BCR: variants seen among roughly 807,000 people sequenced by gnomAD.
BCR encodes BCR activator of RhoGEF and GTPase.
Under a neutral mutation model 138.6 loss-of-function variants are expected in BCR, and 58 were observed. That is an observed-to-expected ratio of 0.42 (90% CI 0.34 to 0.52). The LOEUF (loss-of-function observed/expected upper bound fraction) is 0.52, where lower values mean the gene tolerates loss of function less well. BCR is among the 20% of genes least tolerant of loss of function. The pLI, the probability that BCR is intolerant of heterozygous loss-of-function variation, is 0.06. For missense variants in BCR, 1,599 were observed against 1,727.2 expected (o/e 0.93, Z 1.32); for synonymous variants, 786 against 730.1 (o/e 1.08, Z -1.23).
intron 1 of BCR, among the ~76,000 whole-genome samples, chr22:23,246,062 G>T (rs1324123498): frequency 1.3e-5 from 2 of 152,096 alleles, no homozygotes; most frequent in Non-Finnish European, 2.9e-5. Flanking sequence ...TTTGTGACTG[G>T]CATATTTCCC....
chr22:23,206,370 C>T (rs142569115), intron 1 of BCR, among the ~76,000 whole-genome samples: 2,563 of 152,104 alleles, frequency 0.017, 28 homozygotes, highest in Non-Finnish European at 0.025. Context: ...GTCAGGAGAT[C>T]GGGACCATCC....
chr22:23,267,292 G>A (rs912604716), intron 4 of BCR, among the ~76,000 whole-genome samples: 1 of 152,130 alleles, frequency 6.6e-6, no homozygotes, highest in Admixed American at 6.5e-5. Context: ...ACCTAGAATT[G>A]GAGGATGCAA....
chr22:23,241,626 G>T (rs1399218559), intron 1 of BCR, among the ~76,000 whole-genome samples: 1 of 152,120 alleles, frequency 6.6e-6, no homozygotes, highest in South Asian at 2.1e-4. Flanking sequence ...ATACCTCAGG[G>T]ACTAGAAGCT....
intron 1 of BCR, among the ~76,000 whole-genome samples, chr22:23,240,341 G>GTGTC (rs1008758141): frequency 4.8e-5 from 7 of 145,894 alleles, no homozygotes; most frequent in African/African-American, 1.6e-4. Context: ...GTGTGTGTGT[G>GTGTC]TGTCTGTCTA....
intron 16 of BCR, among the ~76,000 whole-genome samples, chr22:23,309,107 A>T (rs948297132): frequency 7.2e-5 from 11 of 152,250 alleles, no homozygotes; most frequent in South Asian, 4.1e-4. Context: ...TGAGCTCCAC[A>T]TAGCACCCGT....
intron 1 of BCR, among the ~76,000 whole-genome samples, chr22:23,188,195 A>G (rs750594163): frequency 6.6e-6 from 1 of 152,188 alleles, no homozygotes; most frequent in East Asian, 1.9e-4. Context: ...TGAGGCCGCT[A>G]AAGGCATCAG....
intron 7 of BCR, 99 bp downstream of exon 7, chr22:23,273,232 G>C: frequency 7.4e-7 from 1 of 1,344,480 alleles, no homozygotes; most frequent in Non-Finnish European, 1.0e-6. Context: ...CATAGCTGCA[G>C]CCAAGGGGGT....
intron 1 of BCR, among the ~76,000 whole-genome samples, chr22:23,190,921 A>T (rs1219478685): frequency 6.6e-6 from 1 of 152,092 alleles, no homozygotes; most frequent in Non-Finnish European, 1.5e-5. Context: ...TTTTCTTTAA[A>T]TTTAAAATTT....
intron 1 of BCR, among the ~76,000 whole-genome samples, chr22:23,184,274 A>G (rs1161040620): frequency 6.6e-6 from 1 of 150,424 alleles, no homozygotes; most frequent in Non-Finnish European, 1.5e-5. Context: ...TTTTTTTTGT[A>G]AATACAGGGT....
chr22:23,267,901 G>C lies in BCR; in HGVS notation c.1753-507G>C, dbSNP rs114083382. Among the ~76,000 whole-genome samples, 509 of 152,370 alleles carry C rather than the reference G, an allele frequency of 3.3e-3. 4 individuals are homozygous for C. The highest frequency in any genetic ancestry group is 0.012 in the African/African-American group (481 of 41,590). On this transcript the variant is annotated intron_variant, in intron 4 of 22. Transcript: ENST00000305877. Reference sequence around the variant, plus strand: ...CCCTCACCAGGCCCAGGATGGGCTTGTGTCTGTGCAGTGGGAGGCTCTCTT... The same window carrying C: ...CCCTCACCAGGCCCAGGATGGGCTTCTGTCTGTGCAGTGGGAGGCTCTCTT...
At chr22:23,292,715 T>C in intron 15 of BCR, 77 bp downstream of exon 15, 1 of 1,295,704 alleles carries the variant, frequency 7.7e-7, no homozygotes, top group South Asian at 1.3e-5. Context: ...AATCTAAACC[T>C]TCAGGGGCTC....
chr22:23,222,476 T>G (rs1358962378), intron 1 of BCR, among the ~76,000 whole-genome samples: 1 of 152,192 alleles, frequency 6.6e-6, no homozygotes, highest in Non-Finnish European at 1.5e-5. Context: ...GCACAAGTGC[T>G]AAGTGCTGAG....
At chr22:23,217,607 T>C (rs2072771737) in intron 1 of BCR, among the ~76,000 whole-genome samples, 1 of 152,228 alleles carries the variant, frequency 6.6e-6, no homozygotes, top group Non-Finnish European at 1.5e-5. Context: ...GACAGTATTG[T>C]CTGGTTGACT....
intron 8 of BCR, among the ~76,000 whole-genome samples, chr22:23,278,185 C>T (rs528388162): frequency 3.4e-4 from 51 of 152,204 alleles, no homozygotes; most frequent in Non-Finnish European, 7.1e-4. Flanking sequence ...CGCCTGGGCT[C>T]GGAAGCATAG....
chr22:23,187,528 C>T (rs1490434685), intron 1 of BCR, among the ~76,000 whole-genome samples: 1 of 148,738 alleles, frequency 6.7e-6, no homozygotes, highest in Non-Finnish European at 1.5e-5. Context: ...GAGATTGGAT[C>T]TCCCTATGTT....
chr22:23,191,956 A>G (rs1569238880), intron 1 of BCR, among the ~76,000 whole-genome samples: 1 of 152,108 alleles, frequency 6.6e-6, no homozygotes, highest in African/African-American at 2.4e-5. Context: ...CCGAATCCTC[A>G]GACTGGGGCC....
chr22:23,298,206 G>C (rs2073866632), intron 16 of BCR, among the ~76,000 whole-genome samples: 1 of 152,196 alleles, frequency 6.6e-6, no homozygotes, highest in Non-Finnish European at 1.5e-5. Context: ...GGGGAAGAGG[G>C]ATTCTGGTGA....
chr22:23,207,998 G>GTGCCCATC (rs1384126572), intron 1 of BCR, among the ~76,000 whole-genome samples: 1 of 152,192 alleles, frequency 6.6e-6, no homozygotes. Flanking sequence ...TGAGGCAGGT[G>GTGCCCATC]TGCCCATCTG....
chr22:23,241,969 T>C (rs1412356282), intron 1 of BCR, among the ~76,000 whole-genome samples: 1 of 152,100 alleles, frequency 6.6e-6, no homozygotes, highest in South Asian at 2.1e-4. Flanking sequence ...GTATCCCCTT[T>C]CCCAGCTGTA....
Sources: allele counts gnomAD v4.1 joint callset (sites outside exome capture counted in the v4.1 genomes callset), GRCh38; gene constraint gnomAD v4.1.1; transcripts MANE v1.5; gene names NCBI Gene and HGNC (gene_info 2026-07-23, HGNC 2026-07-21).